The following ZFHX3 variants were observed in gnomAD, a reference collection of about 807,000 sequenced individuals.
ZFHX3 encodes the protein zinc finger homeobox protein 3.
In ZFHX3, 42 loss-of-function variants were observed where a neutral mutation model predicts 279.1. The ratio of observed to expected loss-of-function variants is 0.15; its 90% CI spans 0.12 to 0.19. ZFHX3 has a LOEUF of 0.19. ZFHX3 is among the 10% of genes least tolerant of loss of function. The probability of loss-of-function intolerance (pLI) is 1.00; values close to 1 mark genes in which losing one functional copy is unlikely to be tolerated. For missense variants in ZFHX3, 4,981 were observed against 4,754.0 expected, an observed-to-expected ratio of 1.05 and a Z score of -1.40; for synonymous variants, 2,293 against 1,957.8, an observed-to-expected ratio of 1.17 and a Z score of -4.52.
chr16:72,864,852 C>G (rs142660633), intron 4 of ZFHX3, among the ~76,000 whole-genome samples: 1 of 152,142 alleles, frequency 6.6e-6, no homozygotes, highest in Non-Finnish European at 1.5e-5. Context: ...TGATGCCTAG[C>G]GCAATCTAAT....
chr16:73,422,672 T>G (rs2017739769), intron 3 of ZFHX3, among the ~76,000 whole-genome samples: 1 of 152,174 alleles, frequency 6.6e-6, no homozygotes, highest in African/African-American at 2.4e-5. Flanking sequence ...ACATTTCCTC[T>G]CAAATACTCA....
chr16:73,595,261 C>T (rs575896223), intron 2 of ZFHX3, among the ~76,000 whole-genome samples: 1 of 152,306 alleles, frequency 6.6e-6, no homozygotes, highest in South Asian at 2.1e-4. Context: ...TGCCTCCACT[C>T]TCTTCTTCCG....
rs1203799448 is a variant in ZFHX3, at chr16:73,543,885, G to GGAGAGGGAGAGAGAGAGAGA, written c.-1546-87628_-1546-87627insTCTCTCTCTCTCTCCCTCTC. ...GAGAGGGAGAGAGAGAGCGAGAGAG[G>GGAGAGGGAGAGAGAGAGAGA]GAGAGAGAGAGAGAGAGAGAGAGAG... On this transcript the variant is annotated intron_variant, in intron 2 of 17. Transcript: ENST00000641206. 5.1e-5 allele frequency: 7 copies of GGAGAGGGAGAGAGAGAGAGA among 136,510 alleles called. No individual in the cohort carries two copies. The South Asian group carries it at 9.3e-4, about 18-fold the overall frequency. The allele number at this position is 136,510 out of a possible 1,614,324, so 8.5% of individuals were successfully genotyped here. A position where few individuals can be genotyped will look rare whatever the true frequency, so the allele number is the denominator to read the frequency against.
At chr16:72,919,054 C>A (rs557087032) in intron 3 of ZFHX3, among the ~76,000 whole-genome samples, 1 of 152,020 alleles carries the variant, frequency 6.6e-6, no homozygotes, top group South Asian at 2.1e-4. Flanking sequence ...TCCCTAAATG[C>A]GGGTAGATGT....
At chr16:72,927,876 A>G (rs1246069032) in intron 3 of ZFHX3, among the ~76,000 whole-genome samples, 1 of 151,756 alleles carries the variant, frequency 6.6e-6, no homozygotes, top group Non-Finnish European at 1.5e-5. Context: ...CATAATTCGC[A>G]TTAAAATGTC....
intron 2 of ZFHX3, among the ~76,000 whole-genome samples, chr16:73,544,809 T>C (rs1266414213): frequency 6.6e-6 from 1 of 152,122 alleles, no homozygotes; most frequent in Non-Finnish European, 1.5e-5. Flanking sequence ...ACACTTCTTC[T>C]GGGTTCCCCG....
chr16:73,712,693 A>G (rs2053375640), intron 1 of ZFHX3, among the ~76,000 whole-genome samples: 1 of 152,172 alleles, frequency 6.6e-6, no homozygotes, highest in Non-Finnish European at 1.5e-5. Context: ...CCACAGTACA[A>G]AAGGAAACCA....
chr16:73,444,833 T>C (rs948376583), intron 3 of ZFHX3, among the ~76,000 whole-genome samples: 2 of 152,004 alleles, frequency 1.3e-5, no homozygotes, highest in Non-Finnish European at 2.9e-5. Flanking sequence ...GAAAAATCTA[T>C]TCATGGCCGG....
chr16:73,030,806 C>G (rs143731086), intron 1 of ZFHX3, among the ~76,000 whole-genome samples: 103 of 152,340 alleles, frequency 6.8e-4, no homozygotes, highest in African/African-American at 2.3e-3. Context: ...GCACGCCCCT[C>G]TCAGCCTTCT....
chr16:73,802,363 T>C (rs558402587), intron 1 of ZFHX3, among the ~76,000 whole-genome samples: 3 of 152,366 alleles, frequency 2.0e-5, no homozygotes, highest in Admixed American at 1.3e-4. Context: ...GATAATTTGC[T>C]ATGGGTGTTT....
At chr16:73,789,413 C>T (rs952310730) in intron 1 of ZFHX3, among the ~76,000 whole-genome samples, 3 of 151,986 alleles carry the variant, frequency 2.0e-5, no homozygotes, top group Non-Finnish European at 2.9e-5. Flanking sequence ...ATTTCCTGAC[C>T]TCATGATCCG....
intron 1 of ZFHX3, among the ~76,000 whole-genome samples, chr16:73,029,895 T>C (rs942635778): frequency 1.3e-5 from 2 of 152,186 alleles, no homozygotes; most frequent in Non-Finnish European, 2.9e-5. Context: ...ATGCAAAATG[T>C]CAACAAAACA....
chr16:73,729,818 G>T (rs528223226), intron 1 of ZFHX3, among the ~76,000 whole-genome samples: 2 of 152,056 alleles, frequency 1.3e-5, no homozygotes, highest in African/African-American at 4.8e-5. Flanking sequence ...GGCTCTATGG[G>T]GTCCCTCTTC....
chr16:72,855,225 A>G (rs1417662433), intron 4 of ZFHX3, among the ~76,000 whole-genome samples: 2 of 152,230 alleles, frequency 1.3e-5, no homozygotes, highest in East Asian at 1.9e-4. Flanking sequence ...AACCTCATCA[A>G]TTATAACCAT....
intron 3 of ZFHX3, among the ~76,000 whole-genome samples, chr16:73,330,508 C>T (rs144595543): frequency 1.2e-3 from 189 of 152,236 alleles, no homozygotes; most frequent in African/African-American, 3.6e-3. Context: ...GCAATAGGGG[C>T]AAACGTCAGG....
At chr16:73,441,084 G>T (rs1395948977) in intron 3 of ZFHX3, among the ~76,000 whole-genome samples, 2 of 152,102 alleles carry the variant, frequency 1.3e-5, no homozygotes, top group African/African-American at 4.8e-5. Flanking sequence ...TATAGGGGTT[G>T]TTACATATCT....
At chr16:72,823,497 C>T (rs960145222) in intron 5 of ZFHX3, among the ~76,000 whole-genome samples, 1 of 152,204 alleles carries the variant, frequency 6.6e-6, no homozygotes, top group African/African-American at 2.4e-5. Context: ...CACAGTGTGT[C>T]TGTCCCAAGA....
At chr16:72,853,766 A>C (rs1478697594) in intron 4 of ZFHX3, among the ~76,000 whole-genome samples, 1 of 152,076 alleles carries the variant, frequency 6.6e-6, no homozygotes, top group Non-Finnish European at 1.5e-5. Context: ...TTGGTCACAG[A>C]ATTTTTTTTT....
chr16:73,804,913 G>GGGAGGGAGAGGGA (rs1160213176), intron 1 of ZFHX3, among the ~76,000 whole-genome samples: 137 of 60,704 alleles, frequency 2.3e-3, no homozygotes, highest in South Asian at 7.0e-3. Flanking sequence ...GAGGGAGGGA[G>GGGAGGGAGAGGGA]GGGAGGGAGA....
Sources: gnomAD v4.1 joint callset for allele counts (sites outside exome capture counted in the v4.1 genomes callset) on GRCh38, gnomAD v4.1.1 for gene constraint, MANE v1.5 for transcripts, NCBI Gene and HGNC (gene_info 2026-07-23, HGNC 2026-07-21) for gene names.